Variants in TDRD9 observed in about 807,000 individuals in gnomAD.
The protein encoded by TDRD9 is tudor domain containing 9, also known as ATP-dependent RNA helicase TDRD9.
TDRD9 carries 124 observed loss-of-function variants against 172.6 expected under a neutral mutation model. The observed-to-expected ratio is 0.72, with a 90% confidence interval of 0.62 to 0.83. The LOEUF is 0.83. Among genes scored for constraint, TDRD9 ranks in the 40% least tolerant of loss-of-function variants. The pLI is 0.00. For missense variants in TDRD9, 1,479 were observed against 1,714.1 expected (o/e 0.86, Z 2.42); for synonymous variants, 619 against 617.1 (o/e 1.00, Z -0.05).
intron 34 of TDRD9, among the ~76,000 whole-genome samples, chr14:104,048,708 G>T (rs1189332685): frequency 6.6e-6 from 1 of 152,104 alleles, no homozygotes; most frequent in Admixed American, 6.5e-5. Context: ...CCCCTCTGTG[G>T]CACTCTCCTT....
In TDRD9 at chr14:104,035,016, G is replaced by A. The variant is rs1187156865; in HGVS notation, c.3676G>A (p.Ala1226Thr). Residue 1226 changes from alanine to threonine, a missense_variant, in exon 32 of 36, where the codon GCT becomes ACT. By Grantham distance (58) the Ala-to-Thr change is moderately conservative (BLOSUM62 0). Transcript: ENST00000409874. Reference protein sequence around the residue: ...SLMPHIPGLPALLSMLFAPVI... With the variant: ...SLMPHIPGLPTLLSMLFAPVI... ...GATGCCTCATATCCCTGGCCTCCCG[G>A]CTCTCCTCAGCATGTTATTCGCACC... The A allele has an allele frequency of 6.4e-7, 1 of 1,551,596 alleles. No homozygotes were observed. The highest frequency in any genetic ancestry group is 1.4e-5 in the African/African-American group (1 of 73,028).
At chr14:103,933,410 T>G (rs1339827859) in intron 1 of TDRD9, among the ~76,000 whole-genome samples, 1 of 152,198 alleles carries the variant, frequency 6.6e-6, no homozygotes, top group Admixed American at 6.5e-5. Context: ...CTTACTTAAT[T>G]CTCGCTTTTG....
At chr14:104,014,248 A>G (rs1595987309) in intron 20 of TDRD9, among the ~76,000 whole-genome samples, 2 of 70,992 alleles carry the variant, frequency 2.8e-5, no homozygotes, top group African/African-American at 9.2e-5. Context: ...AAAAAAAAAA[A>G]AAGATAATAA....
intron 1 of TDRD9, among the ~76,000 whole-genome samples, chr14:103,950,011 GC>G (rs1566732755): frequency 4.1e-5 from 6 of 145,886 alleles, no homozygotes; most frequent in Non-Finnish European, 9.0e-5. Context: ...GCCCTGCCCT[GC>G]CCTGCCCTGC....
intron 1 of TDRD9, among the ~76,000 whole-genome samples, chr14:103,936,486 A>G (rs1407627632): frequency 6.6e-6 from 1 of 152,160 alleles, no homozygotes; most frequent in African/African-American, 2.4e-5. Context: ...TCTTGATTGA[A>G]TCATAAATCT....
At chr14:104,049,847 C>A in intron 35 of TDRD9, 167 bp downstream of exon 35, 1 of 601,386 alleles carries the variant, frequency 1.7e-6, no homozygotes, top group Non-Finnish European at 3.0e-6. Context: ...TCAGACCAGA[C>A]AGGCTGTTTC....
rs1167863822 is a variant in TDRD9, at chr14:103,938,434, A to ATTTTT, written c.215+9711_215+9712insTTTTT. Among the ~76,000 whole-genome samples the ATTTTT allele has an allele frequency of 9.8e-3, 340 of 34,834 alleles. 15 individuals are homozygous for ATTTTT. The highest frequency in any genetic ancestry group is 0.024 in the African/African-American group (236 of 9,930). 22.9% of individuals were successfully genotyped at this position (34,834 alleles called of 152,430 possible). A position where few individuals can be genotyped will look rare whatever the true frequency, so the allele number is the denominator to read the frequency against. On this transcript the variant is annotated intron_variant, in intron 1 of 35. Transcript: ENST00000409874. ...TGTGTGTATATATATATATATATAT[A>ATTTTT]TATATATTTTTTTTTTTTTTTTGAG... is the stretch of plus-strand genomic sequence containing the variant.
chr14:103,966,291 A>G (rs1355214796), intron 4 of TDRD9, among the ~76,000 whole-genome samples: 1 of 152,272 alleles, frequency 6.6e-6, no homozygotes, highest in East Asian at 1.9e-4. Context: ...AGATCATGCC[A>G]CTGCACTCCA....
chr14:104,035,082 G>T (rs1306178535), intron 32 of TDRD9, 26 bp downstream of exon 32: 1 of 1,536,520 alleles, frequency 6.5e-7, no homozygotes, highest in Non-Finnish European at 8.8e-7. Flanking sequence ...TTGTCTATAG[G>T]CTTTGTAAAA....
intron 1 of TDRD9, among the ~76,000 whole-genome samples, chr14:103,930,057 G>GCTC (rs1414328094): frequency 6.6e-6 from 1 of 152,212 alleles, no homozygotes; most frequent in Non-Finnish European, 1.5e-5. Flanking sequence ...AGAAACACCT[G>GCTC]CTCCCTCTTC....
At position 104,008,460 on chromosome 14, in the gene TDRD9, TAGAG is replaced by T; in HGVS notation, c.2103_2106del (p.Glu702TrpfsTer8). The T allele has an allele frequency of 6.4e-7, 1 of 1,564,916 alleles. No homozygotes were observed. The highest frequency in any genetic ancestry group is 8.8e-7 in the Non-Finnish European group (1 of 1,137,962). On this transcript the variant is annotated frameshift_variant and splice_region_variant, in exon 20 of 36. Transcript: ENST00000409874. LOFTEE classifies it high-confidence loss of function. ...TAAATTACATTCAAATCAAGAGAAT[TAGAG>T]AGGTAAGTTAAGTTTTTTGACCAAA...
chr14:103,941,194 G>A, intron 1 of TDRD9: 1 of 1,081,346 alleles, frequency 9.2e-7, no homozygotes, highest in East Asian at 2.6e-5. Flanking sequence ...ATGTATACAA[G>A]TTACCCACCT....
chr14:104,018,139 G>A lies in TDRD9; in HGVS notation c.2379G>A (p.Gln793=). The change falls in exon 23 of 36, where the codon CAG becomes CAA. Residue 793 remains glutamine (Q), a synonymous_variant. Transcript: ENST00000409874. ...GATTTCTTTACTATAAACAACTACA[G>A]TCTCTCTTTAGACAGTGTGGTCAAG... ...PYGFLYYKQL[Q]SLFRQCGQVK... is the part of the protein sequence containing the mutation. 1 of 1,609,260 alleles carries A rather than the reference G, an allele frequency of 6.2e-7. No homozygotes were observed. Among genetic ancestry groups the A allele is most frequent in the South Asian group, 1.1e-5 (1 of 90,350 alleles).
chr14:103,966,750 T>A lies in TDRD9; in HGVS notation c.684T>A (p.Ile228=). The A allele has an allele frequency of 6.4e-7, 1 of 1,551,056 alleles. No homozygotes were observed. Among genetic ancestry groups the A allele is most frequent in the South Asian group, 1.2e-5 (1 of 83,970 alleles). The change falls in exon 5 of 36, where the codon ATT becomes ATA. Residue 228 remains isoleucine (I), a synonymous_variant. Transcript: ENST00000409874. ...TAGCAACAGAGGACACCAGGCTAAT[T>A]TATATGACAACTGGAGTCCTGCTTC... The part of the protein sequence containing the change: ...EKIATEDTRL[I]YMTTGVLLQK...
At chr14:103,931,223 C>A (rs1393258858) in intron 1 of TDRD9, among the ~76,000 whole-genome samples, 1 of 151,746 alleles carries the variant, frequency 6.6e-6, no homozygotes, top group Non-Finnish European at 1.5e-5. Context: ...TGCTTGAGTC[C>A]CTGAGGCAGA....
intron 2 of TDRD9, among the ~76,000 whole-genome samples, chr14:103,958,652 G>A (rs371321489): frequency 6.6e-6 from 1 of 152,176 alleles, no homozygotes; most frequent in African/African-American, 2.4e-5. Flanking sequence ...ACAAGGAAGA[G>A]GCCATGAGCC....
At chr14:104,019,429 C>G (rs925255385) in intron 23 of TDRD9, among the ~76,000 whole-genome samples, 2 of 152,146 alleles carry the variant, frequency 1.3e-5, no homozygotes, top group Non-Finnish European at 2.9e-5. Flanking sequence ...GTGGCACAAT[C>G]TCGGCTCACT....
At position 103,968,148 on chromosome 14, in the gene TDRD9, C is replaced by T. The variant is rs191647507; in HGVS notation, c.765+1317C>T. Among the ~76,000 whole-genome samples the T allele has an allele frequency of 1.5e-3, 236 of 152,314 alleles. 1 individual carries two copies. The highest frequency in any genetic ancestry group is 2.4e-3 in the Non-Finnish European group (161 of 68,034). ...ATCAATGCTGTGTTACTGACTATAT[C>T]CTTTTCTCAAGCTCTGCCTTAATAG... is the stretch of plus-strand genomic sequence containing the variant. On this transcript the variant is annotated intron_variant, in intron 5 of 35. Coordinates refer to ENST00000409874, the MANE Select transcript of TDRD9 (RefSeq NM_153046.3).
At chr14:104,007,304 C>T (rs2034471837) in intron 19 of TDRD9, 100 bp downstream of exon 19, 4 of 1,167,806 alleles carry the variant, frequency 3.4e-6, no homozygotes, top group Non-Finnish European at 4.9e-6. Flanking sequence ...GACGGTGCCA[C>T]CTGCGGCTGG....
Sources: gnomAD v4.1 joint callset for allele counts (sites outside exome capture counted in the v4.1 genomes callset) on GRCh38, gnomAD v4.1.1 for gene constraint, MANE v1.5 for transcripts, NCBI Gene and HGNC (gene_info 2026-07-23, HGNC 2026-07-21) for gene names.